Variants in SPIRE1 observed in about 807,000 individuals in gnomAD.
SPIRE1 encodes protein spire homolog 1.
In SPIRE1, 40 loss-of-function variants were observed where a neutral mutation model predicts 94.1. The ratio of observed to expected loss-of-function variants is 0.43; its 90% confidence interval spans 0.33 to 0.55. The LOEUF (loss-of-function observed/expected upper bound fraction) is 0.55, where lower values mean the gene tolerates loss of function less well. Among genes scored for constraint, SPIRE1 ranks in the 20% least tolerant of loss-of-function variants. SPIRE1 has a pLI of 0.06. For synonymous variants in SPIRE1, 376 were observed against 371.7 expected (o/e 1.01, Z -0.13); for missense variants, 838 against 975.2 (o/e 0.86, Z 1.87).
At position 12,486,013 on chromosome 18, in the gene SPIRE1, A is replaced by G. The variant is rs1184605930; in HGVS notation, c.1190-13T>C. The G allele has an allele frequency of 6.6e-7, 1 of 1,520,660 alleles. No individual in the cohort carries two copies. Among genetic ancestry groups the G allele is most frequent in the Admixed American group, 2.4e-5 (1 of 40,962 alleles). 94.2% of individuals were successfully genotyped at this position (1,520,660 alleles called of 1,614,324 possible). ...AGTGGCCGCATTGCTGAAAAAAAGAAAACAAACAATAAAAAGAAAATAATT... is the reference window on the plus strand; with the variant it reads ...AGTGGCCGCATTGCTGAAAAAAAGAGAACAAACAATAAAAAGAAAATAATT... On this transcript the variant is annotated splice_polypyrimidine_tract_variant and intron_variant, in intron 8 of 16. Coordinates refer to ENST00000409402, the MANE Select transcript of SPIRE1 (RefSeq NM_001128626.2).
intron 4 of SPIRE1, among the ~76,000 whole-genome samples, chr18:12,531,261 C>A (rs1387025642): frequency 6.6e-6 from 1 of 152,090 alleles, no homozygotes; most frequent in Admixed American, 6.6e-5. Context: ...TGTGCATATG[C>A]AGGACCATCA....
chr18:12,634,777 A>G (rs1278512649), intron 2 of SPIRE1, among the ~76,000 whole-genome samples: 1 of 152,106 alleles, frequency 6.6e-6, no homozygotes, highest in Non-Finnish European at 1.5e-5. Context: ...TCTACTAAAA[A>G]TACAAAAATT....
intron 10 of SPIRE1, among the ~76,000 whole-genome samples, chr18:12,472,163 C>CT (rs1405073345): frequency 2.0e-5 from 3 of 152,090 alleles, no homozygotes; most frequent in Non-Finnish European, 4.4e-5. Flanking sequence ...TATCTAAAGT[C>CT]TAACAGAGGC....
At chr18:12,605,167 T>C (rs547068205) in intron 2 of SPIRE1, among the ~76,000 whole-genome samples, 3 of 152,280 alleles carry the variant, frequency 2.0e-5, no homozygotes, top group Admixed American at 6.5e-5. Flanking sequence ...CAACAATATA[T>C]TTAACACAAC....
At chr18:12,465,512 T>C (rs182276893) in intron 10 of SPIRE1, among the ~76,000 whole-genome samples, 12 of 152,288 alleles carry the variant, frequency 7.9e-5, no homozygotes, top group African/African-American at 2.6e-4. Context: ...TATCACTTTT[T>C]CCATAGGGTT....
At chr18:12,644,612 C>T (rs1355857842) in intron 1 of SPIRE1, among the ~76,000 whole-genome samples, 1 of 152,164 alleles carries the variant, frequency 6.6e-6, no homozygotes, top group Non-Finnish European at 1.5e-5. Flanking sequence ...CTGCAAGTAA[C>T]CCTCCATAGT....
rs565361800 is a variant in SPIRE1 at position 12,559,358 on chromosome 18, G to A, written c.373-12454C>T. ...TGCTAAGCCTCTCATTGCCCGGGCC[G>A]GCGTCGCCAGCCGGCAGCTCTGAGT... On this transcript the variant is annotated intron_variant, in intron 2 of 16. Transcript: ENST00000409402. This position sits in a 1 kb window ranked among gnomAD's most constrained non-coding sequence, Gnocchi z 4.7. Among the ~76,000 whole-genome samples, 18 of 152,290 alleles carry A rather than the reference G, an allele frequency of 1.2e-4. No homozygotes were observed. The East Asian group carries it at 1.7e-3, about 15-fold the overall frequency.
chr18:12,559,752 G>C lies in SPIRE1; in HGVS notation c.373-12848C>G, dbSNP rs999740783. On this transcript the variant is annotated intron_variant, in intron 2 of 16. Transcript: ENST00000409402. This position sits in a 1 kb window ranked among gnomAD's most constrained non-coding sequence, Gnocchi z 4.7. ...AACCAAAGCAAAAATTGACAAATGG[G>C]ATCACATGAAGTTAAATAGCTTTTG... Among the ~76,000 whole-genome samples the C allele has an allele frequency of 1.3e-5, 2 of 152,210 alleles. No homozygotes were observed. The highest frequency in any genetic ancestry group is 4.8e-5 in the African/African-American group (2 of 41,440).
chr18:12,460,850 C>T (rs192469582), intron 12 of SPIRE1, among the ~76,000 whole-genome samples: 1 of 152,228 alleles, frequency 6.6e-6, no homozygotes, highest in Admixed American at 6.5e-5. Context: ...CAATACTTAC[C>T]AAGCTATAGG....
At chr18:12,534,696 T>C (rs554805310) in intron 4 of SPIRE1, among the ~76,000 whole-genome samples, 9 of 152,250 alleles carry the variant, frequency 5.9e-5, no homozygotes, top group Admixed American at 3.9e-4. Flanking sequence ...GGTCTCCAGC[T>C]TGCAGACACC....
chr18:12,540,342 G>A (rs1212532232), intron 3 of SPIRE1, among the ~76,000 whole-genome samples: 1 of 152,028 alleles, frequency 6.6e-6, no homozygotes, highest in African/African-American at 2.4e-5. Context: ...TTCCCTGTTT[G>A]TCCTTTCTAG....
intron 2 of SPIRE1, among the ~76,000 whole-genome samples, chr18:12,604,901 A>T (rs2036930888): frequency 6.6e-6 from 1 of 152,214 alleles, no homozygotes; most frequent in Non-Finnish European, 1.5e-5. Context: ...ATACACAATA[A>T]AATATGATCC....
At chr18:12,490,651 C>T (rs998431661) in intron 8 of SPIRE1, among the ~76,000 whole-genome samples, 1 of 152,216 alleles carries the variant, frequency 6.6e-6, no homozygotes. Flanking sequence ...AATCAATTAA[C>T]ATGATACACC....
At chr18:12,640,912 C>T (rs887183399) in intron 1 of SPIRE1, among the ~76,000 whole-genome samples, 5 of 152,074 alleles carry the variant, frequency 3.3e-5, no homozygotes, top group South Asian at 2.1e-4. Flanking sequence ...GGGTCAGCTG[C>T]GTCCAGGTAG....
intron 2 of SPIRE1, among the ~76,000 whole-genome samples, chr18:12,621,992 T>C (rs1567973230): frequency 6.6e-6 from 1 of 152,152 alleles, no homozygotes; most frequent in Non-Finnish European, 1.5e-5. Flanking sequence ...CTCCACCAAA[T>C]TGAGAGAATA....
intron 10 of SPIRE1, among the ~76,000 whole-genome samples, chr18:12,478,566 T>C (rs2032709440): frequency 6.9e-6 from 1 of 145,866 alleles, no homozygotes; most frequent in Non-Finnish European, 1.5e-5. Context: ...CTAGGGTGTG[T>C]GTGTGAAGCT....
chr18:12,525,571 T>C (rs902680993), intron 4 of SPIRE1, among the ~76,000 whole-genome samples: 1 of 152,006 alleles, frequency 6.6e-6, no homozygotes, highest in African/African-American at 2.4e-5. Flanking sequence ...CAAGCATTTA[T>C]GGGGGATTGG....
chr18:12,573,156 C>A (rs1213663858), intron 2 of SPIRE1, among the ~76,000 whole-genome samples: 1 of 151,808 alleles, frequency 6.6e-6, no homozygotes. Context: ...AGAAAACAAC[C>A]CAATTATATA....
chr18:12,587,631 T>C (rs987003978), intron 2 of SPIRE1, among the ~76,000 whole-genome samples: 2 of 152,116 alleles, frequency 1.3e-5, no homozygotes, highest in African/African-American at 4.8e-5. Context: ...AGGGAGGATC[T>C]GGTACTCCAC....
Sources: allele counts gnomAD v4.1 joint callset (sites outside exome capture counted in the v4.1 genomes callset), GRCh38; gene constraint gnomAD v4.1.1; non-coding constraint Gnocchi (gnomAD v3.1); transcripts MANE v1.5; gene names NCBI Gene and HGNC (gene_info 2026-07-23, HGNC 2026-07-21).